Variants in PAK2 observed in about 807,000 individuals in gnomAD.
PAK2 encodes serine/threonine-protein kinase PAK 2.
In PAK2, 21 loss-of-function variants were observed where a neutral mutation model predicts 65.9. That is an observed-to-expected ratio of 0.32 (90% CI 0.23 to 0.46). The LOEUF is 0.46. Among genes scored for constraint, PAK2 ranks in the 20% least tolerant of loss-of-function variants. The probability of loss-of-function intolerance (pLI) is 1.00; values close to 1 mark genes in which losing one functional copy is unlikely to be tolerated. For missense variants in PAK2, 324 were observed against 642.6 expected (o/e 0.50, Z 5.36); for synonymous variants, 204 against 219.7 (o/e 0.93, Z 0.63).
intron 13 of PAK2, among the ~76,000 whole-genome samples, chr3:196,826,083 C>G (rs1711856050): frequency 6.6e-6 from 1 of 151,958 alleles, no homozygotes; most frequent in African/African-American, 2.4e-5. Flanking sequence ...AGCTCCTGAG[C>G]CCAGGCAATC....
At chr3:196,756,603 C>T (rs1030937344) in intron 1 of PAK2, among the ~76,000 whole-genome samples, 4 of 151,994 alleles carry the variant, frequency 2.6e-5, no homozygotes, top group African/African-American at 7.3e-5. Flanking sequence ...TTTGGGAGGC[C>T]GAGCTGGGAG....
intron 1 of PAK2, among the ~76,000 whole-genome samples, chr3:196,772,906 A>T (rs546476612): frequency 5.3e-5 from 8 of 152,354 alleles, no homozygotes; most frequent in African/African-American, 1.9e-4. Flanking sequence ...ATAAAAAGTA[A>T]ATAAAAATGC....
intron 13 of PAK2, among the ~76,000 whole-genome samples, chr3:196,822,697 CA>C (rs929464272): frequency 1.5e-3 from 222 of 151,218 alleles, no homozygotes; most frequent in Admixed American, 3.4e-3. Context: ...GGACCTGTCT[CA>C]AAAAAAATAC....
At chr3:196,755,742 G>A (rs1560091311) in intron 1 of PAK2, among the ~76,000 whole-genome samples, 3 of 152,082 alleles carry the variant, frequency 2.0e-5, no homozygotes, top group Non-Finnish European at 4.4e-5. Context: ...ACAGGCGTGA[G>A]CCACTGCACC....
intron 2 of PAK2, among the ~76,000 whole-genome samples, chr3:196,790,049 G>T (rs1289224632): frequency 6.6e-6 from 1 of 152,204 alleles, no homozygotes; most frequent in Non-Finnish European, 1.5e-5. Context: ...CGGCCCTGGG[G>T]CTGGGGACAC....
At chr3:196,808,273 C>G (rs190502957) in intron 7 of PAK2, among the ~76,000 whole-genome samples, 1 of 151,652 alleles carries the variant, frequency 6.6e-6, no homozygotes, top group Non-Finnish European at 1.5e-5. Flanking sequence ...GCCAAGATTG[C>G]GTCGTTGGGC....
intron 13 of PAK2, among the ~76,000 whole-genome samples, chr3:196,824,407 TC>T (rs1711760215): frequency 6.6e-6 from 1 of 152,052 alleles, no homozygotes. Flanking sequence ...GAGAAAAACT[TC>T]CAGGCAACTG....
intron 2 of PAK2, among the ~76,000 whole-genome samples, chr3:196,790,614 G>A (rs376896505): frequency 5.3e-5 from 8 of 152,060 alleles, no homozygotes; most frequent in Admixed American, 1.3e-4. Flanking sequence ...GTAGGGGTCC[G>A]TCCCGCAGAC....
In PAK2 at chr3:196,740,066, C is replaced by T. The variant is rs544044253; in HGVS notation, c.-113C>T. 1 of 152,322 alleles carries T rather than the reference C, an allele frequency of 6.6e-6. No individual in the cohort carries two copies. Among genetic ancestry groups the T allele is most frequent in the Non-Finnish European group, 1.5e-5 (1 of 68,034 alleles). The allele number at this position is 152,322 out of a possible 1,614,324, so 9.4% of individuals were successfully genotyped here. ...CTTCCCCTTCCCTCCCCTCCCCTCCCCGCACCGCGCGCTAGCCCGGGGCGG... is the reference window on the plus strand; with the variant it reads ...CTTCCCCTTCCCTCCCCTCCCCTCCTCGCACCGCGCGCTAGCCCGGGGCGG... On this transcript the variant is annotated 5_prime_UTR_variant, in exon 1 of 15. Coordinates refer to ENST00000327134, the MANE Select transcript of PAK2 (RefSeq NM_002577.4).
chr3:196,808,679 G>A (rs1715671462), intron 7 of PAK2, among the ~76,000 whole-genome samples: 1 of 151,516 alleles, frequency 6.6e-6, no homozygotes, highest in Non-Finnish European at 1.5e-5. Context: ...CCTGGCCAAT[G>A]TGGCAAAACC....
intron 1 of PAK2, among the ~76,000 whole-genome samples, chr3:196,757,712 C>G (rs754332316): frequency 1.3e-5 from 2 of 152,170 alleles, no homozygotes; most frequent in Non-Finnish European, 2.9e-5. Flanking sequence ...CTGTGATCTC[C>G]TTGCTGTCTC....
intron 7 of PAK2, among the ~76,000 whole-genome samples, chr3:196,809,143 G>C (rs1192170897): frequency 6.6e-6 from 1 of 150,824 alleles, no homozygotes; most frequent in Non-Finnish European, 1.5e-5. Context: ...AGCTGACTGG[G>C]AGCCTGAGGC....
Position 196,815,536 on chromosome 3 carries a change from A to C in PAK2, c.1053+968A>C, listed in dbSNP as rs148045749. On this transcript the variant is annotated intron_variant, in intron 11 of 14. Coordinates refer to ENST00000327134, the MANE Select transcript of PAK2 (RefSeq NM_002577.4). ...GGGTACAGTGTCTCTCGCCTGTAAT[A>C]CCAGCACTTTGGGAGGCCGAGGCGG... Among the ~76,000 whole-genome samples the C allele has an allele frequency of 1.4e-3, 205 of 150,828 alleles. 1 individual carries two copies. The East Asian group carries it at 0.015, about 11-fold the overall frequency.
intron 7 of PAK2, among the ~76,000 whole-genome samples, chr3:196,809,717 C>T (rs979443982): frequency 1.3e-5 from 2 of 150,098 alleles, no homozygotes; most frequent in Non-Finnish European, 3.0e-5. Context: ...CTTTAGCTGT[C>T]ACATCCCCAG....
At chr3:196,750,030 A>G (rs1187739882) in intron 1 of PAK2, among the ~76,000 whole-genome samples, 3 of 143,540 alleles carry the variant, frequency 2.1e-5, no homozygotes, top group Non-Finnish European at 4.5e-5. Flanking sequence ...CTTGTCGCCC[A>G]GGCTGTGGTG....
At chr3:196,745,981 C>A (rs1448430282) in intron 1 of PAK2, among the ~76,000 whole-genome samples, 3 of 151,604 alleles carry the variant, frequency 2.0e-5, no homozygotes, top group Non-Finnish European at 2.9e-5. Flanking sequence ...CAATATTTAA[C>A]CTTTTTTTTT....
intron 1 of PAK2, among the ~76,000 whole-genome samples, chr3:196,767,420 A>C (rs1470539994): frequency 1.1e-5 from 1 of 88,214 alleles, no homozygotes. Flanking sequence ...GAAAAAATCA[A>C]TTAATGCCCT....
At chr3:196,766,483 T>C (rs529614984) in intron 1 of PAK2, among the ~76,000 whole-genome samples, 111 of 152,320 alleles carry the variant, frequency 7.3e-4, no homozygotes, top group African/African-American at 2.6e-3. Context: ...TTGGTCTTCA[T>C]TTAATTGTAA....
chr3:196,807,789 C>T lies in PAK2; in HGVS notation c.584C>T (p.Thr195Ile). 1 of 1,598,280 alleles carries T rather than the reference C, an allele frequency of 6.3e-7. No homozygotes were observed. The highest frequency in any genetic ancestry group is 1.1e-5 in the South Asian group (1 of 90,076). The change falls in exon 7 of 15, where the codon ACA (threonine) becomes ATA (isoleucine). Residue 195 changes from threonine to isoleucine, a missense_variant. Physicochemically the swap from Thr to Ile is moderately conservative, Grantham distance 89. Coordinates refer to ENST00000327134, the MANE Select transcript of PAK2 (RefSeq NM_002577.4). ...PRPDHTKSIY[T>I]RSVIDPVPAP... is the part of the protein sequence containing the mutation. Reference sequence around the variant, plus strand: ...TGAACTGTGTCTCCACAGATTTACACACGGTCTGTAATTGACCCTGTTCCT... The same window carrying T: ...TGAACTGTGTCTCCACAGATTTACATACGGTCTGTAATTGACCCTGTTCCT...
Sources: allele counts gnomAD v4.1 joint callset (sites outside exome capture counted in the v4.1 genomes callset), GRCh38; gene constraint gnomAD v4.1.1; transcripts MANE v1.5; gene names NCBI Gene and HGNC (gene_info 2026-07-23, HGNC 2026-07-21).